The following DPP6 variants were observed in gnomAD, a reference collection of about 807,000 sequenced individuals.
DPP6 encodes the protein A-type potassium channel modulatory protein DPP6.
A neutral mutation model predicts 122.6 loss-of-function variants in DPP6; 69 were observed. The observed-to-expected ratio is 0.56, with a 90% CI of 0.46 to 0.69. The LOEUF (loss-of-function observed/expected upper bound fraction) is 0.69, where lower values mean the gene tolerates loss of function less well. Ranked by LOEUF, DPP6 falls within the 30% of genes least tolerant of loss-of-function variation. The pLI, the probability that DPP6 is intolerant of heterozygous loss-of-function variation, is 0.00. For missense variants in DPP6, 928 were observed against 1,116.9 expected (o/e 0.83, Z 2.41); for synonymous variants, 418 against 433.1 (o/e 0.97, Z 0.43).
At chr7:154,349,413 T>A (rs1563524626) in intron 1 of DPP6, among the ~76,000 whole-genome samples, 1 of 152,236 alleles carries the variant, frequency 6.6e-6, no homozygotes, top group Admixed American at 6.5e-5. Context: ...TGACCTCAGG[T>A]GATCCACCTG....
At chr7:154,845,633 G>A (rs1801885780) in intron 16 of DPP6, among the ~76,000 whole-genome samples, 1 of 152,122 alleles carries the variant, frequency 6.6e-6, no homozygotes, top group African/African-American at 2.4e-5. Flanking sequence ...TGCACATTGT[G>A]CACATGTACC....
At chr7:154,109,828 T>C (rs572310734) in intron 1 of DPP6, among the ~76,000 whole-genome samples, 271 of 140,032 alleles carry the variant, frequency 1.9e-3, no homozygotes, top group African/African-American at 7.0e-3. Flanking sequence ...CGTGTTATGA[T>C]TGTAGAACAA....
chr7:153,786,092 C>T, the DPP6 span, among the ~76,000 whole-genome samples: 1 of 152,234 alleles, frequency 6.6e-6, no homozygotes, highest in East Asian at 1.9e-4. Flanking sequence ...GTCTTTTGTG[C>T]ATTTATTTTA....
chr7:154,656,888 G>A (rs1159611751), intron 6 of DPP6, among the ~76,000 whole-genome samples: 1 of 105,422 alleles, frequency 9.5e-6, no homozygotes. Flanking sequence ...GAAGCTGCGT[G>A]GGAGGAGGTG....
chr7:153,875,944 G>GAC, the DPP6 span, among the ~76,000 whole-genome samples: 1 of 138,822 alleles, frequency 7.2e-6, no homozygotes, highest in African/African-American at 2.6e-5. Context: ...AAAAAACCCT[G>GAC]AAAAAAAGAG....
At chr7:154,365,816 C>G (rs1427875112) in intron 1 of DPP6, among the ~76,000 whole-genome samples, 8 of 152,044 alleles carry the variant, frequency 5.3e-5, no homozygotes, top group African/African-American at 1.9e-4. Flanking sequence ...AAATTAGCCA[C>G]ACGTGGTGGC....
chr7:154,572,523 T>A, intron 5 of DPP6, among the ~76,000 whole-genome samples: 1 of 118,200 alleles, frequency 8.5e-6, no homozygotes, highest in East Asian at 2.8e-4. Context: ...TTTTTTTTTT[T>A]TTTTTTTTTT....
At chr7:154,063,659 C>G (rs1176561990) in intron 1 of DPP6, among the ~76,000 whole-genome samples, 16 of 138,968 alleles carry the variant, frequency 1.2e-4, no homozygotes, top group African/African-American at 4.2e-4. Flanking sequence ...CCCCCTCTGG[C>G]GCTTAGGACC....
chr7:154,329,127 G>C (rs1448915490), intron 1 of DPP6, among the ~76,000 whole-genome samples: 5 of 152,170 alleles, frequency 3.3e-5, no homozygotes, highest in Non-Finnish European at 7.4e-5. Context: ...CAGGTGTTTT[G>C]CTTAAGTTTG....
intron 1 of DPP6, among the ~76,000 whole-genome samples, chr7:153,961,780 C>T (rs539661565): frequency 1.2e-5 from 1 of 80,352 alleles, no homozygotes; most frequent in South Asian, 5.0e-4. Flanking sequence ...ATTGGATTCT[C>T]ATAAGGAGCT....
At chr7:153,960,565 A>G (rs2628849) in intron 1 of DPP6, among the ~76,000 whole-genome samples, 117,498 of 148,232 alleles carry the variant, frequency 0.79, 47,701 homozygotes, top group East Asian at 1. Context: ...AGGAAATACA[A>G]TATTTCCTTC....
intron 16 of DPP6, among the ~76,000 whole-genome samples, chr7:154,827,668 G>C (rs905274384): frequency 1.4e-5 from 2 of 147,678 alleles, no homozygotes; most frequent in Non-Finnish European, 3.0e-5. Context: ...TGGCAGGGGG[G>C]TGGTGTCGCA....
intron 1 of DPP6, among the ~76,000 whole-genome samples, chr7:154,435,289 A>G (rs979717408): frequency 7.2e-5 from 11 of 152,052 alleles, no homozygotes; most frequent in Admixed American, 1.3e-4. Context: ...GAGGAATGGG[A>G]GGGGGTACTG....
chr7:154,795,781 A>G, intron 11 of DPP6, 64 bp from the exon 12 acceptor site: 1 of 1,519,440 alleles, frequency 6.6e-7, no homozygotes. Context: ...GACACAATAC[A>G]TGCAAAAAAA....
At chr7:153,956,222 A>G (rs1396534430) in intron 1 of DPP6, among the ~76,000 whole-genome samples, 1 of 152,116 alleles carries the variant, frequency 6.6e-6, no homozygotes, top group Non-Finnish European at 1.5e-5. Flanking sequence ...GGTCCAGTCC[A>G]TGCTGCTCAG....
At chr7:154,816,762 C>A (rs10270733) in intron 16 of DPP6, among the ~76,000 whole-genome samples, 122,195 of 152,108 alleles carry the variant, frequency 0.8, 49,232 homozygotes, top group Non-Finnish European at 0.84. Flanking sequence ...TCCCTTCCCA[C>A]ATGTTAGTGG....
At chr7:154,859,398 G>A (rs750336876) in intron 17 of DPP6, among the ~76,000 whole-genome samples, 4 of 152,228 alleles carry the variant, frequency 2.6e-5, no homozygotes, top group Non-Finnish European at 5.9e-5. Flanking sequence ...TGTGGCCCAC[G>A]TTCTGTTACA....
intron 1 of DPP6, among the ~76,000 whole-genome samples, chr7:154,024,436 G>T (rs537955619): frequency 9.7e-4 from 146 of 149,924 alleles, no homozygotes; most frequent in Non-Finnish European, 1.5e-3. Flanking sequence ...TAGATGATCA[G>T]TTTTTTTTTT....
chr7:154,408,985 G>A (rs1816363527), intron 1 of DPP6, among the ~76,000 whole-genome samples: 1 of 151,902 alleles, frequency 6.6e-6, no homozygotes, highest in Admixed American at 6.6e-5. Context: ...TACTAAAAAA[G>A]TAAAAAAATT....
Sources: gnomAD v4.1 joint callset for allele counts (sites outside exome capture counted in the v4.1 genomes callset) on GRCh38, gnomAD v4.1.1 for gene constraint, MANE v1.5 for transcripts, NCBI Gene and HGNC (gene_info 2026-07-23, HGNC 2026-07-21) for gene names.